The following SIK3 variants were observed in gnomAD, a reference collection of about 807,000 sequenced individuals.
The protein encoded by SIK3 is serine/threonine-protein kinase SIK3.
A neutral mutation model predicts 144.2 loss-of-function variants in SIK3; 28 were observed. That is an observed-to-expected ratio of 0.19 (90% CI 0.14 to 0.27). The LOEUF (loss-of-function observed/expected upper bound fraction) is 0.27. Among genes scored for constraint, SIK3 ranks in the 10% least tolerant of loss-of-function variants. The probability of loss-of-function intolerance (pLI) is 1.00; values close to 1 mark genes in which losing one functional copy is unlikely to be tolerated. For synonymous variants in SIK3, 686 were observed against 676.3 expected, an observed-to-expected ratio of 1.01 and a Z score of -0.22; for missense variants, 1,319 against 1,776.0, an observed-to-expected ratio of 0.74 and a Z score of 4.62.
At chr11:116,955,493 A>G (rs1362913030) in intron 2 of SIK3, among the ~76,000 whole-genome samples, 1 of 152,264 alleles carries the variant, frequency 6.6e-6, no homozygotes, top group African/African-American at 2.4e-5. Context: ...CAAAGCTAGC[A>G]CTGGACCTGT....
intron 1 of SIK3, among the ~76,000 whole-genome samples, chr11:116,970,202 C>T (rs980272619): frequency 6.6e-6 from 1 of 152,100 alleles, no homozygotes; most frequent in Non-Finnish European, 1.5e-5. Context: ...GCTTGAGCTC[C>T]GGAGGTCAAG....
rs1565345727 is a variant in SIK3, at chr11:116,844,642, A to ATATATATAATATATATATACACATATAT, written c.*1000_*1001insATATATGTGTATATATATATTATATATA. 3 of 79,496 alleles carry ATATATATAATATATATATACACATATAT rather than the reference A, an allele frequency of 3.8e-5. No individual in the cohort carries two copies. In the African/African-American group the frequency reaches 4.6e-4, roughly 12 times the overall value. 4.9% of individuals were successfully genotyped at this position (79,496 alleles called of 1,614,324 possible). A position where few individuals can be genotyped will look rare whatever the true frequency, so the allele number is the denominator to read the frequency against. On this transcript the variant is annotated 3_prime_UTR_variant, in exon 25 of 25. Transcript: ENST00000445177. ...TAATATATATATAATATATTATATT[A>ATATATATAATATATATATACACATATAT]TATATTATATATATAATATATATAT...
chr11:116,983,452 C>T (rs1202887838), intron 1 of SIK3, among the ~76,000 whole-genome samples: 5 of 151,890 alleles, frequency 3.3e-5, no homozygotes, highest in Non-Finnish European at 7.4e-5. Context: ...ATCGCTTGAA[C>T]CCAGGAGGCA....
At chr11:117,059,078 G>A (rs780151665) in intron 1 of SIK3, among the ~76,000 whole-genome samples, 4 of 152,142 alleles carry the variant, frequency 2.6e-5, no homozygotes, top group African/African-American at 9.7e-5. Flanking sequence ...CTCAGCAAAT[G>A]GAAGAACTGA....
At chr11:116,878,679 C>T (rs939484536) in intron 6 of SIK3, among the ~76,000 whole-genome samples, 2 of 152,186 alleles carry the variant, frequency 1.3e-5, no homozygotes, top group Non-Finnish European at 2.9e-5. Context: ...CGCGCTTGGC[C>T]CCCTACTTCC....
rs915009807 is a variant in SIK3 at position 116,995,879 on chromosome 11, G to A, written c.274-38815C>T. ...TAAAATAAGGAACAAGTCAGGTGTGGTAGAACCTGCCTGTAGTCCCAAATA... is the reference window on the plus strand; with the variant it reads ...TAAAATAAGGAACAAGTCAGGTGTGATAGAACCTGCCTGTAGTCCCAAATA... On this transcript the variant is annotated intron_variant, in intron 1 of 24. Transcript: ENST00000445177. 8.5e-5 allele frequency among the ~76,000 whole-genome samples: 13 copies of A among 152,086 alleles called. No individual in the cohort carries two copies. The South Asian group carries it at 1.5e-3, about 17-fold the overall frequency.
chr11:116,921,280 T>C (rs1212382981), intron 4 of SIK3, among the ~76,000 whole-genome samples: 6 of 152,194 alleles, frequency 3.9e-5, no homozygotes, highest in Non-Finnish European at 8.8e-5. Flanking sequence ...AGGTGATACA[T>C]GTAAAAATGC....
chr11:117,060,811 T>C (rs1377772377), intron 1 of SIK3, among the ~76,000 whole-genome samples: 3 of 152,238 alleles, frequency 2.0e-5, no homozygotes, highest in African/African-American at 7.2e-5. Context: ...TGTACCAATA[T>C]TGCTCATCAA....
chr11:116,875,548 C>T, intron 9 of SIK3, 97 bp from the exon 10 acceptor site: 2 of 1,353,206 alleles, frequency 1.5e-6, no homozygotes, highest in Admixed American at 4.4e-5. Flanking sequence ...TCTATGTTTC[C>T]CTGATTACTA....
At position 116,850,933 on chromosome 11, in the gene SIK3, C is replaced by T. The variant is rs146195799; in HGVS notation, c.3656-1650G>A. Among the ~76,000 whole-genome samples, 788 of 152,268 alleles carry T rather than the reference C, an allele frequency of 5.2e-3. 7 individuals are homozygous for T. Among genetic ancestry groups the T allele is most frequent in the African/African-American group, 0.018 (747 of 41,554 alleles). The stretch of plus-strand genomic sequence containing the variant: ...CTGAGGCAGGGGAATTGCTTGAACT[C>T]AGAAGGCAGAGATTGCAGTGAGCCA... On this transcript the variant is annotated intron_variant, in intron 21 of 24. Transcript: ENST00000445177.
At chr11:116,932,038 G>A (rs1250107748) in intron 3 of SIK3, among the ~76,000 whole-genome samples, 1 of 152,010 alleles carries the variant, frequency 6.6e-6, no homozygotes, top group African/African-American at 2.4e-5. Flanking sequence ...AAACTTTTAT[G>A]GCATCTTTCA....
intron 3 of SIK3, among the ~76,000 whole-genome samples, chr11:116,933,813 C>T (rs1489090142): frequency 6.6e-6 from 1 of 152,078 alleles, no homozygotes; most frequent in Non-Finnish European, 1.5e-5. Context: ...TCATTTTTTT[C>T]TGTCAAAACC....
At chr11:116,854,654 A>G (rs1180738020) in intron 21 of SIK3, among the ~76,000 whole-genome samples, 1 of 152,182 alleles carries the variant, frequency 6.6e-6, no homozygotes, top group African/African-American at 2.4e-5. Flanking sequence ...CTTCCTGGCA[A>G]AAAGGTTGAG....
At chr11:116,892,318 G>A (rs499910) in intron 6 of SIK3, among the ~76,000 whole-genome samples, 92,931 of 151,872 alleles carry the variant, frequency 0.61, 31,449 homozygotes, top group Non-Finnish European at 0.78. Flanking sequence ...AGAATATGGC[G>A]TCTCAGAAGC....
At chr11:116,998,466 G>A (rs1334083775) in intron 1 of SIK3, among the ~76,000 whole-genome samples, 6 of 59,566 alleles carry the variant, frequency 1.0e-4, no homozygotes, top group East Asian at 3.2e-4. Context: ...ACAAGACTCC[G>A]TCTTAAAAAA....
At chr11:116,904,923 A>G (rs1257546255) in intron 4 of SIK3, 1 of 167,138 alleles carries the variant, frequency 6.0e-6, no homozygotes, top group African/African-American at 2.4e-5. Flanking sequence ...TCACGCATTG[A>G]AAGTGTAATG....
intron 1 of SIK3, among the ~76,000 whole-genome samples, chr11:117,085,555 G>A (rs771017644): frequency 8.1e-4 from 123 of 152,176 alleles, no homozygotes; most frequent in Non-Finnish European, 1.5e-3. Flanking sequence ...GCGGGGAAGT[G>A]GGAAAGGTAT....
chr11:117,083,427 A>G (rs780581833), intron 1 of SIK3, among the ~76,000 whole-genome samples: 2 of 152,230 alleles, frequency 1.3e-5, no homozygotes, highest in Non-Finnish European at 2.9e-5. Context: ...ATAATATATG[A>G]AAGTGTTGTT....
chr11:117,013,967 C>CTTTTTTTTTTTTTTTTTTTTTT (rs1951406146), intron 1 of SIK3, among the ~76,000 whole-genome samples: 7 of 7,372 alleles, frequency 9.5e-4, no homozygotes, highest in East Asian at 2.5e-3. Flanking sequence ...TTCTTTTTTT[C>CTTTTTTTTTTTTTTTTTTTTTT]TTTTCTTTTT....
Sources: gnomAD v4.1 joint callset for allele counts (sites outside exome capture counted in the v4.1 genomes callset) on GRCh38, gnomAD v4.1.1 for gene constraint, MANE v1.5 for transcripts, NCBI Gene and HGNC (gene_info 2026-07-23, HGNC 2026-07-21) for gene names.